Variants in GFRA2 observed in about 807,000 individuals in gnomAD.
The protein encoded by GFRA2 is GDNF family receptor alpha-2.
A neutral mutation model predicts 48.3 loss-of-function variants in GFRA2; 17 were observed. The observed-to-expected ratio is 0.35, with a 90% confidence interval of 0.24 to 0.53. The LOEUF (loss-of-function observed/expected upper bound fraction) is 0.53. GFRA2 is among the 20% of genes least tolerant of loss of function. GFRA2 has a pLI of 0.93. For synonymous variants in GFRA2, 305 were observed against 257.2 expected (o/e 1.19, Z -1.78); for missense variants, 660 against 637.3 (o/e 1.04, Z -0.38).
chr8:21,734,374 C>T (rs1056316229), intron 4 of GFRA2, among the ~76,000 whole-genome samples: 1 of 152,354 alleles, frequency 6.6e-6, no homozygotes, highest in East Asian at 1.9e-4. Context: ...TGGGGGTCTA[C>T]CCAACATGCA....
At chr8:21,787,712 C>T (rs896489304) in intron 1 of GFRA2, among the ~76,000 whole-genome samples, 1 of 152,240 alleles carries the variant, frequency 6.6e-6, no homozygotes, top group Non-Finnish European at 1.5e-5. Context: ...CAGGACTGTT[C>T]TCTCCCCGCC....
At chr8:21,781,889 A>G (rs1422104782) in intron 2 of GFRA2, among the ~76,000 whole-genome samples, 3 of 152,004 alleles carry the variant, frequency 2.0e-5, no homozygotes, top group Non-Finnish European at 4.4e-5. Flanking sequence ...TATAGGTTCT[A>G]CTTTGTGACT....
chr8:21,697,033 G>GC (rs1802220910), intron 7 of GFRA2, among the ~76,000 whole-genome samples: 1 of 106,364 alleles, frequency 9.4e-6, no homozygotes, highest in Admixed American at 1.0e-4. Flanking sequence ...AGGGACAGAG[G>GC]AGAGGGGAGG....
intron 4 of GFRA2, among the ~76,000 whole-genome samples, chr8:21,723,630 C>T (rs993747624): frequency 2.6e-5 from 4 of 152,190 alleles, no homozygotes; most frequent in South Asian, 2.1e-4. Context: ...CTCTGATTCT[C>T]TCCAGTGGGT....
At chr8:21,760,949 A>G (rs945316491) in intron 3 of GFRA2, among the ~76,000 whole-genome samples, 4 of 152,128 alleles carry the variant, frequency 2.6e-5, no homozygotes, top group African/African-American at 9.7e-5. Context: ...CATAAGGGTG[A>G]GTGGAGGGGC....
chr8:21,803,082 G>A lies in GFRA2; in HGVS notation c.-36+1935C>T, dbSNP rs200991504. The stretch of plus-strand genomic sequence containing the variant: ...TGCAAAGTCTCAGAGGGTTAACACC[G>A]CAAAGGTTTATTTATTCCTCATGCA... On this transcript the variant is annotated intron_variant, in intron 2 of 10. Coordinates refer to the GFRA2 transcript ENST00000517328. Among the ~76,000 whole-genome samples the A allele has an allele frequency of 4.5e-4, 68 of 152,330 alleles. No homozygotes were observed. The East Asian group carries it at 0.012, about 27-fold the overall frequency.
At chr8:21,797,780 C>A (rs1807704098) in intron 2 of GFRA2, 1 of 152,062 alleles carries the variant, frequency 6.6e-6, no homozygotes, top group African/African-American at 2.4e-5. Context: ...TTCCTTATGC[C>A]AATATGGAAT....
chr8:21,801,551 A>T (rs1009649426), intron 2 of GFRA2, among the ~76,000 whole-genome samples: 1 of 20,616 alleles, frequency 4.9e-5, no homozygotes, highest in Non-Finnish European at 1.1e-4. Context: ...CACCCCACCC[A>T]CCCCCTTCAT....
chr8:21,782,576 C>G lies in GFRA2; in HGVS notation c.355+9G>C. The stretch of plus-strand genomic sequence containing the variant: ...CCCCTCCCCTTGGGCAAGCCCCGCC[C>G]AGGCTTACCCTCGGTCAGCCCCAGG... On this transcript the variant is annotated intron_variant, in intron 2 of 8. Coordinates refer to ENST00000524240, the MANE Select transcript of GFRA2 (RefSeq NM_001495.5). 6.4e-7 allele frequency: 1 copy of G among 1,556,786 alleles called. No individual in the cohort carries two copies.
intron 4 of GFRA2, among the ~76,000 whole-genome samples, chr8:21,722,475 C>T (rs1327778370): frequency 6.6e-6 from 1 of 152,184 alleles, no homozygotes; most frequent in Non-Finnish European, 1.5e-5. Context: ...TAGTGTTTCA[C>T]AAAAGGGGCT....
chr8:21,781,843 G>A (rs991118087), intron 2 of GFRA2, among the ~76,000 whole-genome samples: 4 of 152,198 alleles, frequency 2.6e-5, no homozygotes, highest in African/African-American at 7.2e-5. Context: ...TCTGGAGGGG[G>A]AGGGGATGTG....
At chr8:21,734,633 C>T (rs1804360145) in intron 4 of GFRA2, among the ~76,000 whole-genome samples, 1 of 152,220 alleles carries the variant, frequency 6.6e-6, no homozygotes, top group African/African-American at 2.4e-5. Flanking sequence ...TCCAGTTCGC[C>T]CTGTGCCATG....
chr8:21,773,753 G>C (rs1201453687), intron 3 of GFRA2, among the ~76,000 whole-genome samples: 2 of 152,182 alleles, frequency 1.3e-5, no homozygotes, highest in African/African-American at 4.8e-5. Flanking sequence ...AAAGGGCTTA[G>C]GTTCTCACTG....
chr8:21,705,933 A>G lies in GFRA2; in HGVS notation c.903T>C (p.Ile301=). 1.3e-6 allele frequency: 2 copies of G among 1,550,046 alleles called. No individual in the cohort carries two copies. Among genetic ancestry groups the G allele is most frequent in the Non-Finnish European group, 1.7e-6 (2 of 1,142,920 alleles). Residue 301 remains isoleucine (I), a splice_region_variant and synonymous_variant, in exon 5 of 9, where the codon ATT becomes ATC. Coordinates refer to ENST00000524240, the MANE Select transcript of GFRA2 (RefSeq NM_001495.5). ...CCCAGGTGAGCAGGAAGAGCTTACC[A>G]ATCATGCCAGCATAAGAGCCCAGAC... is the stretch of plus-strand genomic sequence containing the variant. ...QACLGSYAGM[I]GFDMTPNYVD... is the part of the protein sequence containing the mutation.
chr8:21,705,242 G>T, intron 5 of GFRA2, 117 bp from the exon 6 acceptor site: 1 of 988,606 alleles, frequency 1.0e-6, no homozygotes, highest in Non-Finnish European at 1.5e-6. Flanking sequence ...CTCTGACCTG[G>T]CCCCAAAACA....
At chr8:21,699,272 G>T (rs997375423) in intron 7 of GFRA2, among the ~76,000 whole-genome samples, 1 of 152,228 alleles carries the variant, frequency 6.6e-6, no homozygotes, top group South Asian at 2.1e-4. Context: ...GAGCAGACAG[G>T]AGGAGGGAGG....
chr8:21,712,675 T>C (rs1184047312), intron 4 of GFRA2, among the ~76,000 whole-genome samples: 2 of 152,172 alleles, frequency 1.3e-5, no homozygotes, highest in East Asian at 1.9e-4. Flanking sequence ...GTGGAGGTTG[T>C]AGTGAGCCGA....
intron 3 of GFRA2, among the ~76,000 whole-genome samples, chr8:21,759,471 AGGG>A (rs1563252088): frequency 1.6e-4 from 18 of 114,386 alleles, no homozygotes; most frequent in Non-Finnish European, 2.7e-4. Context: ...GGAGGGAGGG[AGGG>A]AAAGAAGGAA....
chr8:21,710,103 G>A (rs145417857), intron 4 of GFRA2, among the ~76,000 whole-genome samples: 1 of 152,310 alleles, frequency 6.6e-6, no homozygotes, highest in African/African-American at 2.4e-5. Context: ...GAAGGAGTGG[G>A]TATCTGTCGC....
Sources: gnomAD v4.1 joint callset for allele counts (sites outside exome capture counted in the v4.1 genomes callset) on GRCh38, gnomAD v4.1.1 for gene constraint, MANE v1.5 for transcripts, NCBI Gene and HGNC (gene_info 2026-07-23, HGNC 2026-07-21) for gene names.